Variants in IQGAP2 observed in about 807,000 individuals in gnomAD.
IQGAP2 encodes the protein ras GTPase-activating-like protein IQGAP2.
Under a neutral mutation model 201.3 loss-of-function variants are expected in IQGAP2, and 173 were observed. The observed-to-expected ratio is 0.86, with a 90% CI of 0.76 to 0.98. IQGAP2 has a LOEUF of 0.98. IQGAP2 is among the 50% of genes least tolerant of loss of function. IQGAP2 has a pLI of 0.00. For missense variants in IQGAP2, 1,687 were observed against 1,864.8 expected (o/e 0.90, Z 1.76); for synonymous variants, 675 against 673.9 (o/e 1.00, Z -0.03).
At chr5:76,565,819 A>G (rs1466126367) in intron 3 of IQGAP2, among the ~76,000 whole-genome samples, 3 of 152,152 alleles carry the variant, frequency 2.0e-5, no homozygotes, top group Admixed American at 6.5e-5. Context: ...TTCCTCTAAG[A>G]ACGGTGCTCA....
intron 1 of IQGAP2, among the ~76,000 whole-genome samples, chr5:76,459,186 C>A (rs550752790): frequency 3.6e-4 from 55 of 152,264 alleles, no homozygotes; most frequent in African/African-American, 1.3e-3. Context: ...AGTTTGGGAG[C>A]CCCTCAGCAG....
At chr5:76,440,319 G>T (rs1752954649) in intron 1 of IQGAP2, among the ~76,000 whole-genome samples, 1 of 152,072 alleles carries the variant, frequency 6.6e-6, no homozygotes, top group Non-Finnish European at 1.5e-5. Context: ...GAGGCCAAGA[G>T]TTCAAGACTT....
intron 1 of IQGAP2, among the ~76,000 whole-genome samples, chr5:76,412,993 A>G (rs937608890): frequency 6.6e-6 from 1 of 151,938 alleles, no homozygotes; most frequent in African/African-American, 2.4e-5. Context: ...AGGGATGGTG[A>G]TGGCAGAACC....
intron 1 of IQGAP2, among the ~76,000 whole-genome samples, chr5:76,433,712 T>C (rs1011904553): frequency 2.0e-5 from 3 of 152,206 alleles, no homozygotes; most frequent in Non-Finnish European, 4.4e-5. Flanking sequence ...CCTGACTACT[T>C]AGATAATATC....
rs12655189 is a variant in IQGAP2, at chr5:76,439,505, T to C, written c.47-22065T>C. Reference sequence around the variant, plus strand: ...TTCTTAGGTCCAGTAATAATAGTTTTATGAAGCTGGGAGCTCCAGAGTTAG... The same window carrying C: ...TTCTTAGGTCCAGTAATAATAGTTTCATGAAGCTGGGAGCTCCAGAGTTAG... On this transcript the variant is annotated intron_variant, in intron 1 of 35. Coordinates refer to ENST00000274364, the MANE Select transcript of IQGAP2 (RefSeq NM_006633.5). Among the ~76,000 whole-genome samples, 16 of 152,342 alleles carry C rather than the reference T, an allele frequency of 1.1e-4. No individual in the cohort carries two copies. In the East Asian group the frequency reaches 2.7e-3, roughly 26 times the overall value.
intron 2 of IQGAP2, among the ~76,000 whole-genome samples, chr5:76,533,362 C>T (rs1025609053): frequency 2.0e-5 from 3 of 152,124 alleles, no homozygotes; most frequent in African/African-American, 7.2e-5. Flanking sequence ...CGCTTGCCAA[C>T]ACTTTACAAA....
chr5:76,519,860 C>A (rs115055678), intron 2 of IQGAP2, among the ~76,000 whole-genome samples: 2,068 of 152,272 alleles, frequency 0.014, 37 homozygotes, highest in African/African-American at 0.047. Flanking sequence ...ATCTGCTCAA[C>A]TCTTTTGCCC....
intron 2 of IQGAP2, among the ~76,000 whole-genome samples, chr5:76,511,496 CTACCACTGCACCTG>C (rs1757956492): frequency 6.6e-6 from 1 of 152,204 alleles, no homozygotes; most frequent in Non-Finnish European, 1.5e-5. Context: ...CCTGAGCTAG[CTACCACTGCACCTG>C]TAGCTGTGAA....
chr5:76,545,058 C>A, intron 2 of IQGAP2, among the ~76,000 whole-genome samples: 1 of 151,862 alleles, frequency 6.6e-6, no homozygotes. Context: ...ATATAGTTAT[C>A]TCTACATATA....
chr5:76,481,749 G>T (rs1418545791), intron 2 of IQGAP2, among the ~76,000 whole-genome samples: 2 of 152,192 alleles, frequency 1.3e-5, no homozygotes, highest in African/African-American at 4.8e-5. Flanking sequence ...TTTACTAACT[G>T]ATGTGTATTT....
chr5:76,610,608 A>G lies in IQGAP2; in HGVS notation c.1358-412A>G, dbSNP rs116089155. 7.5e-3 allele frequency among the ~76,000 whole-genome samples: 1,143 copies of G among 151,736 alleles called. 15 individuals are homozygous for G. Among genetic ancestry groups the G allele is most frequent in the African/African-American group, 0.026 (1,076 of 41,450 alleles). On this transcript the variant is annotated intron_variant, in intron 12 of 35. Transcript: ENST00000274364. ...ATAAAAACCAGCAGCTGGGACCTTG[A>G]TAGAAGTTGCATTGAATCTGTAGGT...
chr5:76,431,839 A>G lies in IQGAP2; in HGVS notation c.46+28248A>G, dbSNP rs575520087. Among the ~76,000 whole-genome samples the G allele has an allele frequency of 5.1e-4, 77 of 150,134 alleles. No individual in the cohort carries two copies. In the East Asian group the frequency reaches 0.012, roughly 23 times the overall value. On this transcript the variant is annotated intron_variant, in intron 1 of 35. Transcript: ENST00000274364. ...TATCAAAAAAAAAAAAAAAAAAGGA[A>G]TGCCAGTCTTACTGTTTTTTGTTCC... is the stretch of plus-strand genomic sequence containing the variant.
chr5:76,447,881 G>A (rs972278869), intron 1 of IQGAP2, among the ~76,000 whole-genome samples: 16 of 152,092 alleles, frequency 1.1e-4, no homozygotes, highest in African/African-American at 2.9e-4. Context: ...TTTTAAAAGG[G>A]TGAGACAGAC....
intron 2 of IQGAP2, among the ~76,000 whole-genome samples, chr5:76,480,987 G>A (rs563421276): frequency 6.7e-6 from 1 of 149,810 alleles, no homozygotes; most frequent in South Asian, 2.1e-4. Flanking sequence ...TCCTCCGTTG[G>A]TGGAAGTGAT....
chr5:76,638,105 A>G (rs552143878), intron 16 of IQGAP2, among the ~76,000 whole-genome samples: 1 of 152,348 alleles, frequency 6.6e-6, no homozygotes, highest in South Asian at 2.1e-4. Flanking sequence ...ATTATTGACT[A>G]TTAGGACATT....
chr5:76,648,313 A>C (rs1752242845), intron 17 of IQGAP2, among the ~76,000 whole-genome samples: 1 of 152,170 alleles, frequency 6.6e-6, no homozygotes, highest in African/African-American at 2.4e-5. Context: ...AACCAAATGG[A>C]GAACCTAGCC....
chr5:76,591,305 G>A (rs1409326936), intron 8 of IQGAP2, among the ~76,000 whole-genome samples: 5 of 152,146 alleles, frequency 3.3e-5, no homozygotes, highest in African/African-American at 1.2e-4. Flanking sequence ...CAGAGAGGAT[G>A]TTTTTGAATC....
intron 2 of IQGAP2, among the ~76,000 whole-genome samples, chr5:76,509,852 A>T (rs1343326524): frequency 6.6e-6 from 1 of 152,184 alleles, no homozygotes; most frequent in African/African-American, 2.4e-5. Context: ...GGGCAGAATG[A>T]ATAATAAAAC....
At chr5:76,630,097 G>C (rs1269020454) in intron 14 of IQGAP2, among the ~76,000 whole-genome samples, 3 of 152,138 alleles carry the variant, frequency 2.0e-5, no homozygotes. Context: ...GGTTGGTTGT[G>C]ACTTAGAGCA....
Sources: gnomAD v4.1 joint callset for allele counts (sites outside exome capture counted in the v4.1 genomes callset) on GRCh38, gnomAD v4.1.1 for gene constraint, MANE v1.5 for transcripts, NCBI Gene and HGNC (gene_info 2026-07-23, HGNC 2026-07-21) for gene names.